The following SLC8A1 variants were observed in gnomAD, a reference collection of about 807,000 sequenced individuals.
The protein encoded by SLC8A1 is solute carrier family 8 member A1.
Under a neutral mutation model 68.3 loss-of-function variants are expected in SLC8A1, and 18 were observed. The ratio of observed to expected loss-of-function variants is 0.26; its 90% CI spans 0.18 to 0.39. The LOEUF is 0.39. Ranked by LOEUF, SLC8A1 falls within the 10% of genes least tolerant of loss-of-function variation. The probability of loss-of-function intolerance (pLI) is 1.00; values close to 1 mark genes in which losing one functional copy is unlikely to be tolerated. For missense variants in SLC8A1, 985 were observed against 1,156.7 expected, an observed-to-expected ratio of 0.85 and a Z score of 2.15; for synonymous variants, 475 against 415.5, an observed-to-expected ratio of 1.14 and a Z score of -1.74.
chr2:40,391,265 C>G (rs1685185258), intron 2 of SLC8A1, among the ~76,000 whole-genome samples: 1 of 151,406 alleles, frequency 6.6e-6, no homozygotes, highest in Admixed American at 6.6e-5. Context: ...TAATTCCATT[C>G]TGGGAGAAAG....
chr2:40,175,000 G>C (rs944939987), intron 3 of SLC8A1, among the ~76,000 whole-genome samples, 158 bp from the exon 5 acceptor site: 2 of 151,960 alleles, frequency 1.3e-5, no homozygotes, highest in African/African-American at 4.8e-5. Flanking sequence ...ATCACTAATC[G>C]TTCTTTTAAG....
chr2:40,490,121 G>C (rs1447024341), intron 1 of SLC8A1, among the ~76,000 whole-genome samples: 6 of 152,050 alleles, frequency 3.9e-5, no homozygotes, highest in Non-Finnish European at 7.4e-5. Context: ...TAGTGAAATT[G>C]CGTGGATATC....
chr2:40,315,298 G>T (rs1268217849), intron 2 of SLC8A1, among the ~76,000 whole-genome samples: 1 of 151,700 alleles, frequency 6.6e-6, no homozygotes, highest in East Asian at 1.9e-4. Context: ...TATCAATACA[G>T]TAATATGGTT....
At chr2:40,177,472 A>T (rs1464796040) in intron 3 of SLC8A1, among the ~76,000 whole-genome samples, 2 of 152,340 alleles carry the variant, frequency 1.3e-5, no homozygotes, top group East Asian at 3.9e-4. Flanking sequence ...TGAAAAACTA[A>T]ACACATTCTT....
At chr2:40,203,005 G>A (rs1281828380) in intron 2 of SLC8A1, among the ~76,000 whole-genome samples, 1 of 151,974 alleles carries the variant, frequency 6.6e-6, no homozygotes, top group Non-Finnish European at 1.5e-5. Flanking sequence ...GGAACTCAGT[G>A]ACTCTACAGC....
chr2:40,250,692 G>C (rs1018241838), intron 2 of SLC8A1, among the ~76,000 whole-genome samples: 4 of 152,114 alleles, frequency 2.6e-5, no homozygotes, highest in Admixed American at 6.6e-5. Flanking sequence ...TCCTAGCCAA[G>C]GATGTGAGTC....
chr2:40,344,293 G>C (rs565983859), intron 2 of SLC8A1, among the ~76,000 whole-genome samples: 3 of 152,140 alleles, frequency 2.0e-5, no homozygotes, highest in Non-Finnish European at 4.4e-5. Flanking sequence ...CTATTTGCCT[G>C]GGATTTTTTT....
intron 2 of SLC8A1, among the ~76,000 whole-genome samples, chr2:40,377,366 G>A (rs553635093): frequency 1.1e-4 from 16 of 152,236 alleles, no homozygotes; most frequent in East Asian, 7.8e-4. Context: ...GTGCAGGCTT[G>A]TGAGACCCTG....
chr2:40,355,258 C>T (rs528551637), intron 2 of SLC8A1, among the ~76,000 whole-genome samples: 3 of 152,054 alleles, frequency 2.0e-5, no homozygotes, highest in Admixed American at 6.6e-5. Flanking sequence ...AAGGTGATTC[C>T]GATGATTTTT....
intron 2 of SLC8A1, among the ~76,000 whole-genome samples, chr2:40,339,988 A>T (rs1221755285): frequency 6.6e-6 from 1 of 152,188 alleles, no homozygotes; most frequent in African/African-American, 2.4e-5. Flanking sequence ...AGAGCTTTTA[A>T]TGTGTACTGT....
intron 2 of SLC8A1, among the ~76,000 whole-genome samples, chr2:40,352,732 C>T (rs1356360603): frequency 6.6e-6 from 1 of 152,144 alleles, no homozygotes; most frequent in African/African-American, 2.4e-5. Context: ...ACATTTTAGT[C>T]AGTAAAATGA....
At chr2:40,451,732 C>CATCACACACACA (rs1195159597) in intron 1 of SLC8A1, among the ~76,000 whole-genome samples, 172 bp downstream of exon 1, 21 of 136,338 alleles carry the variant, frequency 1.5e-4, no homozygotes, top group African/African-American at 5.7e-4. Flanking sequence ...CGCGCACACA[C>CATCACACACACA]CACATCACAC....
intron 2 of SLC8A1, among the ~76,000 whole-genome samples, chr2:40,420,005 G>C (rs528757898): frequency 6.6e-6 from 1 of 152,264 alleles, no homozygotes; most frequent in East Asian, 1.9e-4. Context: ...CATTGGTTTT[G>C]TATAAAGTAT....
At position 40,170,989 on chromosome 2, in the gene SLC8A1, C is replaced by T. The variant is rs140337329; in HGVS notation, c.1930+3836G>A. 3.3e-3 allele frequency among the ~76,000 whole-genome samples: 501 copies of T among 152,248 alleles called. 1 individual carries two copies. The highest frequency in any genetic ancestry group is 0.017 in the Middle Eastern group (5 of 294). On this transcript the variant is annotated intron_variant, in intron 4 of 7. Transcript: ENST00000406785. Reference sequence around the variant, plus strand: ...AACTGTTTGGATAACCTAGGGTTAACCTAGGCCTAGGGGGTTCTCATTGAA... The same window carrying T: ...AACTGTTTGGATAACCTAGGGTTAATCTAGGCCTAGGGGGTTCTCATTGAA...
At chr2:40,511,468 T>C in intron 1 of SLC8A1, among the ~76,000 whole-genome samples, 1 of 152,206 alleles carries the variant, frequency 6.6e-6, no homozygotes, top group Non-Finnish European at 1.5e-5. Flanking sequence ...GCAATTGATA[T>C]GATTTGGCTG....
At chr2:40,150,226 G>C (rs754709588) in intron 6 of SLC8A1, among the ~76,000 whole-genome samples, 2 of 152,106 alleles carry the variant, frequency 1.3e-5, no homozygotes, top group Non-Finnish European at 2.9e-5. Flanking sequence ...ATGTGCCAAG[G>C]TTGGTTCACG....
chr2:40,178,294 G>T, intron 2 of SLC8A1, 93 bp downstream of exon 3: 1 of 909,466 alleles, frequency 1.1e-6, no homozygotes, highest in Non-Finnish European at 1.8e-6. Flanking sequence ...AGGGATGTGT[G>T]CATTGTAAGT....
intron 2 of SLC8A1, among the ~76,000 whole-genome samples, chr2:40,305,003 T>A (rs2072297988): frequency 6.6e-6 from 1 of 152,200 alleles, no homozygotes; most frequent in Non-Finnish European, 1.5e-5. Flanking sequence ...AGAATTTTGT[T>A]AAAATGAGGA....
At chr2:40,134,003 G>A (rs2039984313) in intron 7 of SLC8A1, among the ~76,000 whole-genome samples, 1 of 151,938 alleles carries the variant, frequency 6.6e-6, no homozygotes, top group Non-Finnish European at 1.5e-5. Context: ...TAGAAATAAT[G>A]TGATACATAA....
Sources: gnomAD v4.1 joint callset for allele counts (sites outside exome capture counted in the v4.1 genomes callset) on GRCh38, gnomAD v4.1.1 for gene constraint, MANE v1.5 for transcripts, NCBI Gene and HGNC (gene_info 2026-07-23, HGNC 2026-07-21) for gene names.